Variants in ERBB4 observed in about 807,000 individuals in gnomAD.
ERBB4 encodes receptor tyrosine-protein kinase erbB-4.
ERBB4 carries 42 observed loss-of-function variants against 158.0 expected under a neutral mutation model. The observed-to-expected ratio is 0.27, with a 90% confidence interval of 0.21 to 0.34. ERBB4 has a LOEUF of 0.34. Ranked by LOEUF, ERBB4 falls within the 10% of genes least tolerant of loss-of-function variation. ERBB4 has a pLI of 1.00. For synonymous variants in ERBB4, 583 were observed against 558.7 expected (o/e 1.04, Z -0.61); for missense variants, 1,333 against 1,624.1 (o/e 0.82, Z 3.08).
At chr2:211,701,845 T>A (rs2073265914) in intron 12 of ERBB4, 122 bp downstream of exon 12, 2 of 716,410 alleles carry the variant, frequency 2.8e-6, no homozygotes, top group Admixed American at 4.4e-5. Flanking sequence ...TACCTTCCTT[T>A]TTAAGGGTTG....
At chr2:211,612,110 C>T (rs182027213) in intron 19 of ERBB4, among the ~76,000 whole-genome samples, 1 of 151,920 alleles carries the variant, frequency 6.6e-6, no homozygotes, top group Non-Finnish European at 1.5e-5. Flanking sequence ...CTATAAATAC[C>T]TAAGAAAAAT....
intron 1 of ERBB4, among the ~76,000 whole-genome samples, chr2:212,522,552 A>G (rs898193398): frequency 3.3e-5 from 5 of 151,988 alleles, no homozygotes; most frequent in Non-Finnish European, 5.9e-5. Context: ...AGAGCTTAGA[A>G]TAATCTACGC....
At chr2:212,396,572 G>A (rs898929869) in intron 1 of ERBB4, among the ~76,000 whole-genome samples, 10 of 151,976 alleles carry the variant, frequency 6.6e-5, no homozygotes, top group Admixed American at 1.3e-4. Context: ...TAAGAACCCC[G>A]AGATATTAGC....
intron 1 of ERBB4, among the ~76,000 whole-genome samples, chr2:212,201,906 G>A (rs1399529030): frequency 6.6e-6 from 1 of 152,072 alleles, no homozygotes; most frequent in Non-Finnish European, 1.5e-5. Context: ...GCACTTATAT[G>A]AATTATTTTA....
At chr2:212,284,966 T>C (rs1180384335) in intron 1 of ERBB4, among the ~76,000 whole-genome samples, 1 of 152,078 alleles carries the variant, frequency 6.6e-6, no homozygotes, top group African/African-American at 2.4e-5. Context: ...GCCCTTCAAA[T>C]GGCAAGTAGC....
At chr2:211,964,097 C>T (rs899008775) in intron 2 of ERBB4, among the ~76,000 whole-genome samples, 43 of 152,122 alleles carry the variant, frequency 2.8e-4, no homozygotes, top group Admixed American at 2.0e-3. Context: ...ACTTCATCAC[C>T]TTTCTCTTGG....
At chr2:211,575,022 T>C (rs1030693270) in intron 19 of ERBB4, among the ~76,000 whole-genome samples, 3 of 152,220 alleles carry the variant, frequency 2.0e-5, no homozygotes. Flanking sequence ...GTTAATTTAC[T>C]GATAGCAAGA....
chr2:211,932,214 T>C (rs1342833038), intron 3 of ERBB4, among the ~76,000 whole-genome samples: 1 of 152,066 alleles, frequency 6.6e-6, no homozygotes, highest in East Asian at 1.9e-4. Flanking sequence ...CAAATTTAAA[T>C]TTCTGCGTTA....
At chr2:211,731,528 C>T (rs1380217899) in intron 5 of ERBB4, among the ~76,000 whole-genome samples, 2 of 152,038 alleles carry the variant, frequency 1.3e-5, no homozygotes, top group African/African-American at 4.8e-5. Context: ...CTGTAATGGG[C>T]TTCTTAAGTG....
At chr2:211,701,083 C>A (rs992454910) in intron 12 of ERBB4, among the ~76,000 whole-genome samples, 15 of 152,030 alleles carry the variant, frequency 9.9e-5, no homozygotes, top group African/African-American at 3.6e-4. Flanking sequence ...GCATTATTTG[C>A]TTCAGAGTAA....
At chr2:212,234,530 T>C (rs1168237152) in intron 1 of ERBB4, among the ~76,000 whole-genome samples, 1 of 152,210 alleles carries the variant, frequency 6.6e-6, no homozygotes, top group Non-Finnish European at 1.5e-5. Flanking sequence ...ATGGTATTTC[T>C]GGTTCTAGAT....
chr2:211,599,219 T>C (rs2068725849), intron 19 of ERBB4, among the ~76,000 whole-genome samples: 1 of 152,142 alleles, frequency 6.6e-6, no homozygotes, highest in Non-Finnish European at 1.5e-5. Context: ...GATTCCTGTG[T>C]ATATACCCTC....
chr2:212,321,435 G>T (rs2106265901), intron 1 of ERBB4, among the ~76,000 whole-genome samples: 1 of 150,570 alleles, frequency 6.6e-6, no homozygotes, highest in Non-Finnish European at 1.5e-5. Context: ...ACAACAGACT[G>T]GGCATAGTGC....
intron 20 of ERBB4, among the ~76,000 whole-genome samples, chr2:211,529,024 T>C (rs2125656947): frequency 1.3e-5 from 2 of 150,062 alleles, no homozygotes; most frequent in East Asian, 3.9e-4. Flanking sequence ...ATAAATGAAA[T>C]TGAAACAAGA....
chr2:211,717,878 T>C (rs997218800), intron 7 of ERBB4, among the ~76,000 whole-genome samples: 3 of 152,148 alleles, frequency 2.0e-5, no homozygotes, highest in Non-Finnish European at 2.9e-5. Context: ...TCTCTTCGAT[T>C]GTTATAATGG....
At chr2:211,800,838 A>G (rs1417990455) in intron 3 of ERBB4, among the ~76,000 whole-genome samples, 23 of 152,112 alleles carry the variant, frequency 1.5e-4, no homozygotes, top group Admixed American at 1.5e-3. Context: ...AATTTGGTAA[A>G]AAAATAGAAA....
intron 20 of ERBB4, among the ~76,000 whole-genome samples, chr2:211,473,939 G>A (rs2125532640): frequency 6.6e-6 from 1 of 152,108 alleles, no homozygotes; most frequent in East Asian, 1.9e-4. Flanking sequence ...CAACTACTGG[G>A]AAGGATCCTG....
At chr2:212,061,669 G>A (rs963922264) in intron 2 of ERBB4, among the ~76,000 whole-genome samples, 9 of 151,462 alleles carry the variant, frequency 5.9e-5, no homozygotes, top group African/African-American at 2.2e-4. Context: ...ATGTGCACCT[G>A]CAAAATGGGT....
rs547913912 is a variant in ERBB4, at chr2:212,157,982, C to T, written c.83-33079G>A. 5.7e-4 allele frequency among the ~76,000 whole-genome samples: 87 copies of T among 152,126 alleles called. No individual in the cohort carries two copies. The South Asian group carries it at 0.017, about 30-fold the overall frequency. On this transcript the variant is annotated intron_variant, in intron 1 of 27. Coordinates refer to ENST00000342788, the MANE Select transcript of ERBB4 (RefSeq NM_005235.3). The stretch of plus-strand genomic sequence containing the variant: ...ATGTTGCCTATACAACTGAGATAGG[C>T]TCCTCTGAACTACAGGACAAATAGT...
Sources: allele counts gnomAD v4.1 joint callset (sites outside exome capture counted in the v4.1 genomes callset), GRCh38; gene constraint gnomAD v4.1.1; transcripts MANE v1.5; gene names NCBI Gene and HGNC (gene_info 2026-07-23, HGNC 2026-07-21).